RBFOX1: variants seen among roughly 807,000 people sequenced by gnomAD.
RBFOX1 encodes the protein RNA binding protein fox-1 homolog 1.
A neutral mutation model predicts 57.7 loss-of-function variants in RBFOX1; 8 were observed. That is an observed-to-expected ratio of 0.14 (90% CI 0.08 to 0.25). The LOEUF is 0.25. RBFOX1 is among the 10% of genes least tolerant of loss of function. RBFOX1 has a pLI of 1.00. For synonymous variants in RBFOX1, 326 were observed against 222.4 expected (o/e 1.47, Z -4.15); for missense variants, 611 against 548.5 (o/e 1.11, Z -1.14).
chr16:5,890,731 C>G (rs1166934993), intron 4 of RBFOX1, among the ~76,000 whole-genome samples: 1 of 144,170 alleles, frequency 6.9e-6, no homozygotes, highest in African/African-American at 2.6e-5. Context: ...AGTGAAGGTG[C>G]TGGTCTTCAG....
At position 6,007,283 on chromosome 16, in the gene RBFOX1, T is replaced by C. The variant is rs193148775; in HGVS notation, c.351+139948T>C. ...AGAAGAAGTCAGTTTCCCGCTTGGA[T>C]GCTTGCTCTCCTGCTCTAAGGGGAT... On this transcript the variant is annotated intron_variant, in intron 4 of 19. Transcript: ENST00000641259. 4.9e-4 allele frequency among the ~76,000 whole-genome samples: 75 copies of C among 152,342 alleles called. 1 individual carries two copies. In the East Asian group the frequency reaches 0.012, roughly 24 times the overall value.
intron 2 of RBFOX1, among the ~76,000 whole-genome samples, chr16:6,397,580 G>T (rs117670957): frequency 0.021 from 3,127 of 152,284 alleles, 46 homozygotes; most frequent in Middle Eastern, 0.044. Flanking sequence ...ATGATGCTAG[G>T]TGAGACTTAA....
chr16:6,759,012 T>C (rs1425463595), intron 3 of RBFOX1, among the ~76,000 whole-genome samples: 2 of 152,130 alleles, frequency 1.3e-5, no homozygotes, highest in African/African-American at 4.8e-5. Context: ...GATGAGCTAG[T>C]CATATTGTCA....
intron 3 of RBFOX1, among the ~76,000 whole-genome samples, chr16:6,911,346 A>T (rs151001413): frequency 7.1e-4 from 108 of 152,234 alleles, no homozygotes; most frequent in Non-Finnish European, 1.0e-3. Context: ...CAGAAGTCCA[A>T]GATCAAGGTG....
chr16:6,057,685 T>C (rs1371927057), intron 1 of RBFOX1, among the ~76,000 whole-genome samples: 1 of 152,118 alleles, frequency 6.6e-6, no homozygotes, highest in East Asian at 1.9e-4. Flanking sequence ...GATGAGAGTT[T>C]AGAATGCTTG....
intron 5 of RBFOX1, among the ~76,000 whole-genome samples, chr16:7,554,539 C>G (rs1162957528): frequency 6.6e-6 from 1 of 152,152 alleles, no homozygotes; most frequent in Non-Finnish European, 1.5e-5. Flanking sequence ...TTCTCTAGAT[C>G]TGCTTCCTAT....
chr16:6,853,505 C>G (rs7200619), intron 3 of RBFOX1, among the ~76,000 whole-genome samples: 34,152 of 151,912 alleles, frequency 0.22, 6,617 homozygotes, highest in African/African-American at 0.52. Flanking sequence ...AGGACAATCC[C>G]TGTCTGCTTG....
rs768195911 is a variant in RBFOX1, at chr16:7,653,928, C to G, written c.871C>G (p.Pro291Ala). ...CTTCAGGGCCGCGGCGCCCCCGCCC[C>G]CGATCCCGGCCTACGGCGGGTAAGT... is the stretch of plus-strand genomic sequence containing the variant. ...NTFRAAAPPP[P>A]IPAYGGVVYQ... Residue 291 changes from proline to alanine, a missense_variant, in exon 12 of 16, where the codon CCG becomes GCG. Transcript: ENST00000550418. 2.6e-5 allele frequency: 41 copies of G among 1,550,914 alleles called. No individual in the cohort carries two copies. The highest frequency in any genetic ancestry group is 2.0e-4 in the Middle Eastern group (1 of 5,124).
chr16:6,696,760 G>C (rs904973494), intron 3 of RBFOX1, among the ~76,000 whole-genome samples: 1 of 151,942 alleles, frequency 6.6e-6, no homozygotes, highest in East Asian at 1.9e-4. Flanking sequence ...GCAGTTTGCT[G>C]TGCCTGTGTT....
intron 3 of RBFOX1, among the ~76,000 whole-genome samples, chr16:5,824,152 C>G (rs762028338): frequency 5.9e-5 from 9 of 152,200 alleles, no homozygotes; most frequent in Non-Finnish European, 7.3e-5. Context: ...ACTTTGAGGA[C>G]TAAGAAGCCA....
intron 3 of RBFOX1, among the ~76,000 whole-genome samples, chr16:5,605,548 G>C (rs2047541606): frequency 6.6e-6 from 1 of 152,026 alleles, no homozygotes; most frequent in Non-Finnish European, 1.5e-5. Context: ...TGGTGCCATT[G>C]ATTAGTAATG....
At chr16:7,332,908 CT>C in intron 4 of RBFOX1, 5 of 1,590,504 alleles carry the variant, frequency 3.1e-6, no homozygotes, top group Non-Finnish European at 4.3e-6. Flanking sequence ...TGGCTCCCAG[CT>C]TTGTAGTTCG....
At chr16:5,344,107 A>G (rs748121572) in intron 1 of RBFOX1, among the ~76,000 whole-genome samples, 10 of 152,240 alleles carry the variant, frequency 6.6e-5, no homozygotes, top group Non-Finnish European at 1.3e-4. Context: ...TATCTACATC[A>G]GTAATGGGTT....
chr16:5,394,423 G>T (rs753449414), intron 1 of RBFOX1, among the ~76,000 whole-genome samples: 2 of 152,076 alleles, frequency 1.3e-5, no homozygotes, highest in Non-Finnish European at 2.9e-5. Context: ...AAATCATTGT[G>T]CTTTTCTGAT....
intron 4 of RBFOX1, among the ~76,000 whole-genome samples, chr16:7,394,680 C>T (rs984524294): frequency 3.9e-5 from 6 of 152,164 alleles, no homozygotes; most frequent in East Asian, 3.9e-4. Context: ...CAGGCAGTTT[C>T]GGAGACCACG....
chr16:5,985,358 T>C (rs987940921), intron 4 of RBFOX1, among the ~76,000 whole-genome samples: 1 of 152,068 alleles, frequency 6.6e-6, no homozygotes, highest in Non-Finnish European at 1.5e-5. Flanking sequence ...AAACTCATTC[T>C]GCAGTTCAGG....
intron 3 of RBFOX1, among the ~76,000 whole-genome samples, chr16:7,030,221 G>C (rs1319493830): frequency 6.6e-6 from 1 of 152,158 alleles, no homozygotes; most frequent in Non-Finnish European, 1.5e-5. Context: ...GATAGAGAAG[G>C]CTGTTCTTCA....
intron 2 of RBFOX1, among the ~76,000 whole-genome samples, chr16:6,632,880 C>G (rs2098401488): frequency 6.6e-6 from 1 of 152,116 alleles, no homozygotes. Context: ...GGGATGGGAC[C>G]ATTTGAGCTC....
chr16:7,432,271 G>T (rs17739811), intron 4 of RBFOX1, among the ~76,000 whole-genome samples: 2,286 of 152,306 alleles, frequency 0.015, 35 homozygotes, highest in East Asian at 0.063. Flanking sequence ...TAGAATGCTG[G>T]GAGAGAAGTG....
Sources: allele counts gnomAD v4.1 joint callset (sites outside exome capture counted in the v4.1 genomes callset), GRCh38; gene constraint gnomAD v4.1.1; transcripts MANE v1.5; gene names NCBI Gene and HGNC (gene_info 2026-07-23, HGNC 2026-07-21).